Variants in ANO6 observed in about 807,000 individuals in gnomAD.
ANO6 encodes the protein anoctamin 6.
In ANO6, 106 loss-of-function variants were observed where a neutral mutation model predicts 117.5. That is an observed-to-expected ratio of 0.90 (90% CI 0.77 to 1.06). ANO6 has a LOEUF of 1.06. Ranked by LOEUF, ANO6 falls within the 50% of genes least tolerant of loss-of-function variation. The pLI, the probability that ANO6 is intolerant of heterozygous loss-of-function variation, is 0.00. For missense variants in ANO6, 955 were observed against 1,121.1 expected, an observed-to-expected ratio of 0.85 and a Z score of 2.12; for synonymous variants, 367 against 385.1, an observed-to-expected ratio of 0.95 and a Z score of 0.55.
intron 1 of ANO6, among the ~76,000 whole-genome samples, chr12:45,237,673 G>A (rs1427493164): frequency 1.3e-5 from 2 of 152,156 alleles, no homozygotes; most frequent in Non-Finnish European, 2.9e-5. Flanking sequence ...CTCCAGCTTT[G>A]TTCTTTTGGC....
At chr12:45,388,010 T>A (rs1942343990) in intron 10 of ANO6, 151 bp from the exon 11 acceptor site, 2 of 1,047,138 alleles carry the variant, frequency 1.9e-6, no homozygotes, top group Non-Finnish European at 1.4e-6. Flanking sequence ...CAATTAAACC[T>A]CTTTCCTTTA....
At chr12:45,264,921 T>C (rs1938164463) in intron 1 of ANO6, among the ~76,000 whole-genome samples, 1 of 152,240 alleles carries the variant, frequency 6.6e-6, no homozygotes, top group Non-Finnish European at 1.5e-5. Context: ...GTGGTAATTG[T>C]GCAGTTGGAA....
chr12:45,271,430 A>G (rs1327237376), intron 1 of ANO6, among the ~76,000 whole-genome samples: 1 of 152,214 alleles, frequency 6.6e-6, no homozygotes, highest in Non-Finnish European at 1.5e-5. Context: ...AGTAATTGTC[A>G]TTACTTTTAA....
At chr12:45,402,102 T>C (rs1686836907) in intron 13 of ANO6, 82 bp downstream of exon 13, 1 of 1,226,180 alleles carries the variant, frequency 8.2e-7, no homozygotes, top group South Asian at 1.3e-5. Flanking sequence ...TTTTAGGCGT[T>C]TCAATTCCAG....
chr12:45,262,671 G>A (rs549293160), intron 1 of ANO6, among the ~76,000 whole-genome samples: 1 of 152,192 alleles, frequency 6.6e-6, no homozygotes, highest in South Asian at 2.1e-4. Context: ...TGATCTGCCC[G>A]GCTCGGCCTC....
At chr12:45,318,079 T>C (rs1228822891) in intron 2 of ANO6, among the ~76,000 whole-genome samples, 2 of 152,240 alleles carry the variant, frequency 1.3e-5, no homozygotes, top group Non-Finnish European at 2.9e-5. Flanking sequence ...AGGTTGCTTG[T>C]TCACTCTGAT....
At chr12:45,347,233 A>G (rs1029585182) in intron 4 of ANO6, 146 bp downstream of exon 4, 2 of 731,456 alleles carry the variant, frequency 2.7e-6, no homozygotes, top group Non-Finnish European at 4.7e-6. Flanking sequence ...CAAAATCTGC[A>G]TTGTGTAGGA....
At chr12:45,396,783 T>C (rs1298161846) in intron 12 of ANO6, among the ~76,000 whole-genome samples, 1 of 152,226 alleles carries the variant, frequency 6.6e-6, no homozygotes, top group Non-Finnish European at 1.5e-5. Flanking sequence ...GCTAGCCGTA[T>C]GTAGAAAGCT....
In ANO6 at chr12:45,402,047, C is replaced by T. The variant is rs1438640764; in HGVS notation, c.1612+27C>T. 7 of 1,590,414 alleles carry T rather than the reference C, an allele frequency of 4.4e-6. No individual in the cohort carries two copies. The African/African-American group carries it at 5.4e-5, about 12-fold the overall frequency. On this transcript the variant is annotated intron_variant, in intron 13 of 19. Coordinates refer to ENST00000320560, the MANE Select transcript of ANO6 (RefSeq NM_001025356.3). ...TAAGGTCCTACTATAGCTTAGGTAACTTCTGACATATTTTTAGAACCTGCC... is the reference window on the plus strand; with the variant it reads ...TAAGGTCCTACTATAGCTTAGGTAATTTCTGACATATTTTTAGAACCTGCC...
At chr12:45,406,485 A>T (rs1942938526) in intron 15 of ANO6, among the ~76,000 whole-genome samples, 1 of 152,198 alleles carries the variant, frequency 6.6e-6, no homozygotes, top group South Asian at 2.1e-4. Context: ...CTGTAGTATC[A>T]ATTGTTTGGT....
chr12:45,229,623 T>C (rs1046731987), intron 1 of ANO6, among the ~76,000 whole-genome samples: 42 of 152,056 alleles, frequency 2.8e-4, no homozygotes, highest in African/African-American at 1.0e-3. Flanking sequence ...CTCTTTACCT[T>C]GTGATCCGCC....
intron 1 of ANO6, among the ~76,000 whole-genome samples, chr12:45,280,184 T>C (rs1333985615): frequency 1.3e-5 from 2 of 152,232 alleles, no homozygotes; most frequent in Non-Finnish European, 2.9e-5. Flanking sequence ...ATCAAAGCCA[T>C]GTTTGAAAAG....
intron 3 of ANO6, among the ~76,000 whole-genome samples, chr12:45,338,763 G>C (rs1346911369): frequency 6.6e-6 from 1 of 151,948 alleles, no homozygotes; most frequent in African/African-American, 2.4e-5. Flanking sequence ...ACCACCAAGA[G>C]CAATGAATCC....
intron 1 of ANO6, among the ~76,000 whole-genome samples, chr12:45,269,888 A>G (rs1296762301): frequency 1.3e-5 from 2 of 152,156 alleles, no homozygotes; most frequent in African/African-American, 4.8e-5. Flanking sequence ...ATAATAGGGA[A>G]CTGAAGTATT....
At chr12:45,332,650 C>T (rs552058345) in intron 3 of ANO6, among the ~76,000 whole-genome samples, 13 of 152,098 alleles carry the variant, frequency 8.5e-5, no homozygotes, top group East Asian at 3.9e-4. Flanking sequence ...TTATTGTTCA[C>T]GTCAAGGTCA....
intron 12 of ANO6, among the ~76,000 whole-genome samples, chr12:45,398,522 G>A (rs1942692501): frequency 6.6e-6 from 1 of 152,058 alleles, no homozygotes; most frequent in African/African-American, 2.4e-5. Flanking sequence ...TTAGCTCTTA[G>A]GACTTTCAAT....
intron 3 of ANO6, among the ~76,000 whole-genome samples, chr12:45,341,072 C>G (rs187539197): frequency 6.6e-6 from 1 of 152,138 alleles, no homozygotes; most frequent in Non-Finnish European, 1.5e-5. Flanking sequence ...TAAAAATGTC[C>G]TATCCTTGAT....
At chr12:45,403,371 AT>A (rs1261962838) in intron 14 of ANO6, 67 bp from the exon 15 acceptor site, 1 of 1,532,116 alleles carries the variant, frequency 6.5e-7, no homozygotes, top group Non-Finnish European at 9.0e-7. Flanking sequence ...TGTCAGAAAA[AT>A]AGAATGCCTA....
chr12:45,366,374 G>T (rs1489864052), intron 8 of ANO6, among the ~76,000 whole-genome samples: 1 of 150,950 alleles, frequency 6.6e-6, no homozygotes, highest in Admixed American at 6.6e-5. Context: ...CTAATAAGTT[G>T]GTACGTTGGC....
Sources: allele counts gnomAD v4.1 joint callset (sites outside exome capture counted in the v4.1 genomes callset), GRCh38; gene constraint gnomAD v4.1.1; transcripts MANE v1.5; gene names NCBI Gene and HGNC (gene_info 2026-07-23, HGNC 2026-07-21).